The following MED22 variants were observed in gnomAD, a reference collection of about 807,000 sequenced individuals.
MED22 encodes the protein mediator of RNA polymerase II transcription subunit 22.
A neutral mutation model predicts 22.7 loss-of-function variants in MED22; 22 were observed. That is an observed-to-expected ratio of 0.97 (90% CI 0.69 to 1.38). The LOEUF (loss-of-function observed/expected upper bound fraction) is 1.38. Ranked by LOEUF, MED22 falls within the 40% of genes most tolerant of loss-of-function variation. The probability of loss-of-function intolerance (pLI) is 0.00; values close to 1 mark genes in which losing one functional copy is unlikely to be tolerated. For missense variants in MED22, 247 were observed against 263.0 expected (o/e 0.94, Z 0.42); for synonymous variants, 134 against 119.4 (o/e 1.12, Z -0.80).
intron 2 of MED22, 94 bp downstream of exon 2, chr9:133,346,446 G>A (rs1240250075): frequency 2.0e-6 from 3 of 1,516,258 alleles, no homozygotes; most frequent in African/African-American, 1.4e-5. Flanking sequence ...TTCCTGCCTA[G>A]AACACTATTC....
chr9:133,344,355 C>T (rs2129961594), intron 3 of MED22, 22 bp from the exon 4 acceptor site: 22 of 1,612,802 alleles, frequency 1.4e-5, no homozygotes, highest in East Asian at 2.2e-5. Context: ...AGAACCAGGG[C>T]GGGCACAGGG....
chr9:133,345,498 C>G (rs1334294921), intron 2 of MED22, among the ~76,000 whole-genome samples: 3 of 152,212 alleles, frequency 2.0e-5, no homozygotes, highest in African/African-American at 7.2e-5. Context: ...TAGAGGCAAC[C>G]CACGCTGCTT....
rs1375395309 is a variant in MED22 at position 133,347,919 on chromosome 9, T to C, written c.-39+3A>G. 10 of 131,796 alleles carry C rather than the reference T, an allele frequency of 7.6e-5. No homozygotes were observed. In the Admixed American group the frequency reaches 1.1e-3, roughly 14 times the overall value. 8.2% of individuals were successfully genotyped at this position (131,796 alleles called of 1,614,324 possible). On this transcript the variant is annotated splice_donor_region_variant and intron_variant, in intron 1 of 4. Coordinates refer to ENST00000343730, the MANE Select transcript of MED22 (RefSeq NM_133640.5). Reference sequence around the variant, plus strand: ...ATCCCCACCCCCCACCACACCCTCATACCCGCCCCAGCGCCCGCACACCAG... The same window carrying C: ...ATCCCCACCCCCCACCACACCCTCACACCCGCCCCAGCGCCCGCACACCAG...
intron 2 of MED22, 79 bp from the exon 3 acceptor site, chr9:133,345,331 G>T (rs2129965016): frequency 4.3e-5 from 59 of 1,387,490 alleles, no homozygotes; most frequent in Non-Finnish European, 5.7e-5. Context: ...CCAGCTTACG[G>T]TAACTGTCAT....
intron 4 of MED22, chr9:133,343,063 GTTAATGAGTACTGGGGACCAAAGA>G: frequency 1.0e-6 from 1 of 991,986 alleles, no homozygotes; most frequent in Non-Finnish European, 1.2e-6. Context: ...TGTCTGCTGA[GTTAATGAGTACTGGGGACCAAAGA>G]TTCCCTCAGA....
In MED22 at chr9:133,348,058, C is replaced by G. The variant is rs1354796769; in HGVS notation, c.-175G>C. 17 of 793,970 alleles carry G rather than the reference C, an allele frequency of 2.1e-5. No individual in the cohort carries two copies. The highest frequency in any genetic ancestry group is 3.6e-5 in the Non-Finnish European group (17 of 477,566). 49.2% of individuals were successfully genotyped at this position (793,970 alleles called of 1,614,324 possible). A position where few individuals can be genotyped will look rare whatever the true frequency, so the allele number is the denominator to read the frequency against. Reference sequence around the variant, plus strand: ...TCCCGCCGCAGTCTCTCTTCCCCGCCGCGCCGCGGTCCGAAAACCTAGTCA... The same window carrying G: ...TCCCGCCGCAGTCTCTCTTCCCCGCGGCGCCGCGGTCCGAAAACCTAGTCA... On this transcript the variant is annotated 5_prime_UTR_variant, in exon 1 of 5. Transcript: ENST00000343730.
Position 133,345,110 on chromosome 9 carries a change from G to A in MED22, c.204+62C>T, listed in dbSNP as rs2129963643. 2.8e-5 allele frequency: 43 copies of A among 1,562,890 alleles called. 1 individual carries two copies. The East Asian group carries it at 8.7e-4, about 32-fold the overall frequency. On this transcript the variant is annotated intron_variant, in intron 3 of 4. Coordinates refer to ENST00000343730, the MANE Select transcript of MED22 (RefSeq NM_133640.5). ...CCCAGAGCCCCCTCCACTCCACCCAGGAAACCTGAGGGGACTGATGCTCTT... is the reference window on the plus strand; with the variant it reads ...CCCAGAGCCCCCTCCACTCCACCCAAGAAACCTGAGGGGACTGATGCTCTT...
Position 133,345,172 on chromosome 9 carries a change from G to A in MED22, c.204C>T (p.Ile68=), listed in dbSNP as rs2129964023. The change falls in exon 3 of 5, where the codon ATC becomes ATT. Residue 68 remains isoleucine (I), a splice_region_variant and synonymous_variant. Coordinates refer to ENST00000343730, the MANE Select transcript of MED22 (RefSeq NM_133640.5). ...CGTGCCCTCCACCCTGGCCACTCAC[G>A]ATGTTGGCGGCTCGCACATGCATCT... ...NYEMHVRAAN[I]VRAGESLMKL... 9.9e-6 allele frequency: 16 copies of A among 1,613,690 alleles called. 1 individual carries two copies. The highest frequency in any genetic ancestry group is 1.6e-4 in the Middle Eastern group (1 of 6,084).
At chr9:133,345,097 T>G in intron 3 of MED22, 75 bp downstream of exon 3, 1 of 1,458,306 alleles carries the variant, frequency 6.9e-7, no homozygotes, top group Non-Finnish European at 9.5e-7. Context: ...CAGAGCCCCC[T>G]CCACTCCACC....
intron 1 of MED22, 84 bp downstream of exon 1, chr9:133,347,838 C>G (rs1836238431): frequency 4.7e-6 from 1 of 210,960 alleles, no homozygotes; most frequent in African/African-American, 2.4e-5. Flanking sequence ...ATCTCCGACC[C>G]CAGCGCCTAC....
Position 133,341,707 on chromosome 9 carries a change from C to A in MED22, c.414-13G>T. 1.2e-6 allele frequency: 2 copies of A among 1,603,928 alleles called. No homozygotes were observed. Among genetic ancestry groups the A allele is most frequent in the South Asian group, 1.1e-5 (1 of 89,552 alleles). The stretch of plus-strand genomic sequence containing the variant: ...GCAAAGGCTTGAGCTTTTCCACCAC[C>A]AGAAACCCCAGGGAGAGACAGGAGC... On this transcript the variant is annotated splice_polypyrimidine_tract_variant and intron_variant, in intron 4 of 4. Coordinates refer to ENST00000343730, the MANE Select transcript of MED22 (RefSeq NM_133640.5).
At position 133,346,571 on chromosome 9, in the gene MED22, T is replaced by C. The variant is rs2129968821; in HGVS notation, c.92A>G (p.Asp31Gly). ...GGTCTTGATGATCTCGGTGAAGTTGTCCATGATGGACTTAATGTCGTCCTT... is the reference window on the plus strand; with the variant it reads ...GGTCTTGATGATCTCGGTGAAGTTGCCCATGATGGACTTAATGTCGTCCTT... ...RLKDDIKSIMDNFTEIIKTAK... is the reference protein window; with the variant it reads ...RLKDDIKSIMGNFTEIIKTAK... Residue 31 changes from aspartate to glycine, a missense_variant, in exon 2 of 5, where the codon GAC becomes GGC. Asp to Gly is a moderately conservative substitution (Grantham distance 94). Transcript: ENST00000343730. 3 of 1,612,642 alleles carry C rather than the reference T, an allele frequency of 1.9e-6. No homozygotes were observed. The highest frequency in any genetic ancestry group is 2.5e-6 in the Non-Finnish European group (3 of 1,179,954).
chr9:133,342,083 C>T, intron 4 of MED22: 4 of 1,087,208 alleles, frequency 3.7e-6, no homozygotes, highest in Non-Finnish European at 4.5e-6. Flanking sequence ...GCAGAAACCC[C>T]AGTGTCACTA....
chr9:133,343,318 T>C, intron 4 of MED22: 1 of 1,229,440 alleles, frequency 8.1e-7, no homozygotes, highest in Non-Finnish European at 1.0e-6. Flanking sequence ...TGAATCTTGA[T>C]TTTCTAAGCT....
chr9:133,341,167 A>G lies in MED22; in HGVS notation c.*338T>C, dbSNP rs1835991204. On this transcript the variant is annotated 3_prime_UTR_variant, in exon 5 of 5. Coordinates refer to ENST00000343730, the MANE Select transcript of MED22 (RefSeq NM_133640.5). ...ACTCTGACAACAGGCTCGGGTCAGG[A>G]CTCCCCGAAATCAGGCACCCTCCTG... 4.5e-6 allele frequency: 1 copy of G among 222,824 alleles called. No homozygotes were observed. The highest frequency in any genetic ancestry group is 1.1e-4 in the East Asian group (1 of 8,970). The allele number at this position is 222,824 out of a possible 1,614,324, so 13.8% of individuals were successfully genotyped here.
intron 4 of MED22, chr9:133,342,000 C>T (rs1325228479): frequency 6.0e-6 from 7 of 1,167,892 alleles, no homozygotes; most frequent in Non-Finnish European, 7.4e-6. Flanking sequence ...CTAGCCTATG[C>T]CTCCCAGCTG....
chr9:133,343,491 T>C, intron 4 of MED22: 1 of 1,235,342 alleles, frequency 8.1e-7, no homozygotes, highest in East Asian at 3.1e-5. Context: ...TTGACCCTTC[T>C]GCATCCCTGG....
At chr9:133,346,082 T>C (rs1354641671) in intron 2 of MED22, among the ~76,000 whole-genome samples, 2 of 152,358 alleles carry the variant, frequency 1.3e-5, no homozygotes, top group African/African-American at 2.4e-5. Flanking sequence ...TCATCGCTTA[T>C]GGAGCCTGCC....
chr9:133,343,294 T>C, intron 4 of MED22: 2 of 1,226,890 alleles, frequency 1.6e-6, no homozygotes, highest in Non-Finnish European at 2.0e-6. Flanking sequence ...ACATGGACTC[T>C]GCATCTGCTG....
Sources: gnomAD v4.1 joint callset for allele counts (sites outside exome capture counted in the v4.1 genomes callset) on GRCh38, gnomAD v4.1.1 for gene constraint, MANE v1.5 for transcripts, NCBI Gene and HGNC (gene_info 2026-07-23, HGNC 2026-07-21) for gene names.